Variants in HPSE2 observed in about 807,000 individuals in gnomAD.
The protein encoded by HPSE2 is inactive heparanase-2.
Under a neutral mutation model 60.5 loss-of-function variants are expected in HPSE2, and 38 were observed. The observed-to-expected ratio is 0.63, with a 90% CI of 0.48 to 0.82. The LOEUF is 0.82. Among genes scored for constraint, HPSE2 ranks in the 40% least tolerant of loss-of-function variants. The pLI is 0.00. For missense variants in HPSE2, 713 were observed against 740.4 expected, an observed-to-expected ratio of 0.96 and a Z score of 0.43; for synonymous variants, 295 against 293.2, an observed-to-expected ratio of 1.01 and a Z score of -0.06.
At chr10:99,145,798 G>C (rs1040118801) in intron 2 of HPSE2, among the ~76,000 whole-genome samples, 1 of 152,136 alleles carries the variant, frequency 6.6e-6, no homozygotes, top group Non-Finnish European at 1.5e-5. Context: ...GGTGAAAAGG[G>C]TGAAACACTG....
At chr10:99,125,149 A>G (rs980542924) in intron 3 of HPSE2, among the ~76,000 whole-genome samples, 2 of 152,208 alleles carry the variant, frequency 1.3e-5, no homozygotes, top group Non-Finnish European at 1.5e-5. Flanking sequence ...CATTACACAC[A>G]CACAAAAACT....
intron 9 of HPSE2, among the ~76,000 whole-genome samples, chr10:98,567,926 C>T (rs769195284): frequency 3.9e-5 from 6 of 152,312 alleles, no homozygotes; most frequent in East Asian, 1.9e-4. Flanking sequence ...ATCCCCAGTA[C>T]TGTGGCCCCA....
At chr10:99,092,866 A>G (rs11189964) in intron 3 of HPSE2, among the ~76,000 whole-genome samples, 77,220 of 152,072 alleles carry the variant, frequency 0.51, 21,392 homozygotes, top group East Asian at 0.65. Flanking sequence ...TTGACTTCCG[A>G]GAATCTAAAA....
intron 3 of HPSE2, among the ~76,000 whole-genome samples, chr10:98,868,739 C>A (rs1952657059): frequency 6.6e-6 from 1 of 152,118 alleles, no homozygotes; most frequent in Non-Finnish European, 1.5e-5. Context: ...CATGATAATT[C>A]TCTCTCTAAA....
rs546613270 is a variant in HPSE2 at position 98,797,769 on chromosome 10, G to A, written c.611-53713C>T. Among the ~76,000 whole-genome samples the A allele has an allele frequency of 1.1e-4, 17 of 152,146 alleles. No homozygotes were observed. In the East Asian group the frequency reaches 2.9e-3, roughly 26 times the overall value. The stretch of plus-strand genomic sequence containing the variant: ...TGAGGCAGAAGAATGGCATGAACCT[G>A]GGAGACGGAGGTTGCGGTGAGCCGA... On this transcript the variant is annotated intron_variant, in intron 3 of 11. Coordinates refer to ENST00000370552, the MANE Select transcript of HPSE2 (RefSeq NM_021828.5).
chr10:98,474,025 T>C (rs568700779), intron 11 of HPSE2, among the ~76,000 whole-genome samples: 1 of 152,196 alleles, frequency 6.6e-6, no homozygotes, highest in Non-Finnish European at 1.5e-5. Context: ...ATTTAAATGA[T>C]CCCAGACAAG....
chr10:98,732,612 C>G (rs1949254895), intron 4 of HPSE2, among the ~76,000 whole-genome samples: 1 of 152,008 alleles, frequency 6.6e-6, no homozygotes, highest in Admixed American at 6.6e-5. Context: ...CCTTACTTCA[C>G]AACGTTCACA....
intron 3 of HPSE2, among the ~76,000 whole-genome samples, chr10:99,072,943 A>G (rs1258050594): frequency 4.3e-5 from 1 of 23,410 alleles, no homozygotes; most frequent in Non-Finnish European, 3.2e-4. Flanking sequence ...AAAAAAAAAA[A>G]AAAAAAAAAA....
At position 98,471,379 on chromosome 10, in the gene HPSE2, G is replaced by A. The variant is rs1373444340; in HGVS notation, c.1613+11257C>T. 2.6e-5 allele frequency among the ~76,000 whole-genome samples: 4 copies of A among 152,144 alleles called. No homozygotes were observed. In the East Asian group the frequency reaches 7.7e-4, roughly 29 times the overall value. ...TCTAAAGCTCCCCAGGTAGTTGGAA[G>A]TGCAGCCAAGGTTGAACACCACGGG... On this transcript the variant is annotated intron_variant, in intron 11 of 11. Coordinates refer to ENST00000370552, the MANE Select transcript of HPSE2 (RefSeq NM_021828.5).
chr10:99,114,859 A>G (rs1844612752), intron 3 of HPSE2, among the ~76,000 whole-genome samples: 1 of 147,956 alleles, frequency 6.8e-6, no homozygotes, highest in Non-Finnish European at 1.5e-5. Context: ...GCTTGCAGTG[A>G]GCCAAGATGG....
At chr10:98,846,103 A>G (rs1315855302) in intron 3 of HPSE2, among the ~76,000 whole-genome samples, 1 of 152,188 alleles carries the variant, frequency 6.6e-6, no homozygotes, top group East Asian at 1.9e-4. Flanking sequence ...GTCATGACTG[A>G]TTCTTCAGGG....
chr10:98,624,929 G>C (rs756722241), intron 7 of HPSE2, among the ~76,000 whole-genome samples: 1 of 152,156 alleles, frequency 6.6e-6, no homozygotes. Context: ...TTATTCTTAC[G>C]GTTTGGTGGT....
chr10:98,697,806 C>A (rs1027692228), intron 5 of HPSE2, among the ~76,000 whole-genome samples: 2 of 152,126 alleles, frequency 1.3e-5, no homozygotes, highest in African/African-American at 4.8e-5. Context: ...TAACAGTGGT[C>A]CTCTCAGCAG....
chr10:98,979,834 G>A lies in HPSE2; in HGVS notation c.610+164404C>T, dbSNP rs375784822. ...ATATTTAAGCAACAAAAGCAGAAGC[G>A]TTAGAGAAGGAATTTTCAAGAAGAA... On this transcript the variant is annotated intron_variant, in intron 3 of 11. Transcript: ENST00000370552. Among the ~76,000 whole-genome samples the A allele has an allele frequency of 9.9e-4, 150 of 152,218 alleles. 3 individuals carry two copies. In the South Asian group the frequency reaches 0.03, roughly 30 times the overall value.
At chr10:98,585,844 C>T (rs912439458) in intron 9 of HPSE2, among the ~76,000 whole-genome samples, 2 of 149,712 alleles carry the variant, frequency 1.3e-5, no homozygotes, top group Non-Finnish European at 3.0e-5. Context: ...CCCAGCTACT[C>T]GGGAGGCTGA....
At chr10:98,909,391 G>A (rs1001263509) in intron 3 of HPSE2, among the ~76,000 whole-genome samples, 1 of 151,536 alleles carries the variant, frequency 6.6e-6, no homozygotes, top group African/African-American at 2.4e-5. Context: ...AGCACTTTGG[G>A]AGGTCGAAGC....
intron 9 of HPSE2, among the ~76,000 whole-genome samples, chr10:98,602,182 A>G (rs996339096): frequency 2.0e-5 from 3 of 152,186 alleles, no homozygotes; most frequent in Non-Finnish European, 4.4e-5. Context: ...AAACAGTGAT[A>G]GGATTGAAAC....
Position 98,620,078 on chromosome 10 carries a change from C to T in HPSE2, c.1205+524G>A, listed in dbSNP as rs531862624. Reference sequence around the variant, plus strand: ...TAAATTGTTATAAAAGCAGTAGCATCGATTTCATTGGTTGTTAAATTATGA... The same window carrying T: ...TAAATTGTTATAAAAGCAGTAGCATTGATTTCATTGGTTGTTAAATTATGA... On this transcript the variant is annotated intron_variant, in intron 8 of 11. Transcript: ENST00000370552. Among the ~76,000 whole-genome samples, 10 of 152,284 alleles carry T rather than the reference C, an allele frequency of 6.6e-5. No individual in the cohort carries two copies. The South Asian group carries it at 1.2e-3, about 19-fold the overall frequency.
chr10:98,971,134 C>CATTT (rs1955941941), intron 3 of HPSE2, among the ~76,000 whole-genome samples: 1 of 152,146 alleles, frequency 6.6e-6, no homozygotes. Flanking sequence ...TCCATCCATT[C>CATTT]ATTTATTCAT....
Sources: gnomAD v4.1 joint callset for allele counts (sites outside exome capture counted in the v4.1 genomes callset) on GRCh38, gnomAD v4.1.1 for gene constraint, MANE v1.5 for transcripts, NCBI Gene and HGNC (gene_info 2026-07-23, HGNC 2026-07-21) for gene names.